IRAG1: variants seen among roughly 807,000 people sequenced by gnomAD.
IRAG1 encodes the protein IP3R-associated cGMP kinase substrate.
Under a neutral mutation model 106.2 loss-of-function variants are expected in IRAG1, and 62 were observed. That is an observed-to-expected ratio of 0.58 (90% confidence interval 0.48 to 0.72). The LOEUF is 0.72. IRAG1 is among the 30% of genes least tolerant of loss of function. The pLI, the probability that IRAG1 is intolerant of heterozygous loss-of-function variation, is 0.00. For missense variants in IRAG1, 1,064 were observed against 1,140.7 expected (o/e 0.93, Z 0.97); for synonymous variants, 462 against 443.9 (o/e 1.04, Z -0.51).
At chr11:10,651,225 G>C (rs1224972658) in intron 2 of IRAG1, among the ~76,000 whole-genome samples, 1 of 152,202 alleles carries the variant, frequency 6.6e-6, no homozygotes, top group Non-Finnish European at 1.5e-5. Flanking sequence ...AATACGACGA[G>C]GATGATGCTC....
At chr11:10,690,896 C>T (rs1862004577) in intron 1 of IRAG1, among the ~76,000 whole-genome samples, 1 of 152,230 alleles carries the variant, frequency 6.6e-6, no homozygotes, top group African/African-American at 2.4e-5. Context: ...CTCCATCTCC[C>T]TCCTCTGACT....
intron 10 of IRAG1, among the ~76,000 whole-genome samples, chr11:10,614,098 C>A (rs1855198023): frequency 6.6e-6 from 1 of 152,162 alleles, no homozygotes; most frequent in Non-Finnish European, 1.5e-5. Flanking sequence ...AGGATACCTA[C>A]CCTGCCTCTA....
chr11:10,626,121 G>C lies in IRAG1; in HGVS notation c.1213C>G (p.Arg405Gly). Residue 405 changes from arginine (R) to glycine (G), a missense_variant, in exon 9 of 21, where the codon CGG becomes GGG. Coordinates refer to ENST00000423302, the MANE Select transcript of IRAG1 (RefSeq NM_130385.4). ...AGCTTGGCAAGCACTTTCTGCAGCC[G>C]GGGGCCAGGTTCTTCAGGGCCACTG... ...WDSGPEEPGP[R>G]LQKVLAKLPL... is the part of the protein sequence containing the mutation. 2 of 1,541,690 alleles carry C rather than the reference G, an allele frequency of 1.3e-6. No homozygotes were observed. The highest frequency in any genetic ancestry group is 1.7e-6 in the Non-Finnish European group (2 of 1,143,368).
At chr11:10,613,793 C>A (rs11042895) in intron 10 of IRAG1, among the ~76,000 whole-genome samples, 62,166 of 151,952 alleles carry the variant, frequency 0.41, 13,995 homozygotes, top group East Asian at 0.7. Context: ...GTAGTGACTA[C>A]ATGTTCTTAT....
intron 1 of IRAG1, among the ~76,000 whole-genome samples, chr11:10,671,131 C>A (rs991223989): frequency 6.6e-6 from 1 of 152,188 alleles, no homozygotes; most frequent in African/African-American, 2.4e-5. Flanking sequence ...CTTTCAGAAC[C>A]TTTCTAATGA....
rs1850814158 is a variant in IRAG1 at position 10,576,392 on chromosome 11, T to G, written c.2679A>C (p.Ala893=). 6.2e-7 allele frequency: 1 copy of G among 1,613,884 alleles called. No homozygotes were observed. The highest frequency in any genetic ancestry group is 1.3e-5 in the African/African-American group (1 of 74,922). The change falls in exon 21 of 21, where the codon GCA becomes GCC. Residue 893 remains alanine, a synonymous_variant. Transcript: ENST00000423302. ...AGCTCCACCAGGAGTCCCTCTGGGC[T>G]GCCGAGCAAGTGGATCTTCCAAGGG... The part of the protein sequence containing the change: ...DGPLGRSTCS[A]AQRDSWWSSG...
chr11:10,600,798 CAGG>C (rs1853911333), intron 15 of IRAG1, 117 bp downstream of exon 15: 5 of 1,329,272 alleles, frequency 3.8e-6, no homozygotes. Flanking sequence ...CAGCACTAGA[CAGG>C]AGTGCTGCTC....
chr11:10,629,627 G>C lies in IRAG1; in HGVS notation c.485C>G (p.Ala162Gly). 1 of 1,613,968 alleles carries C rather than the reference G, an allele frequency of 6.2e-7. No individual in the cohort carries two copies. Among genetic ancestry groups the C allele is most frequent in the Non-Finnish European group, 8.5e-7 (1 of 1,179,870 alleles). The change falls in exon 5 of 21, where the codon GCG becomes GGG. Residue 162 changes from alanine to glycine, a missense_variant. Physicochemically the swap from Ala to Gly is moderately conservative, Grantham distance 60 (BLOSUM62 0). Transcript: ENST00000423302. ...CACCAACTTGGCTTCTTCCAGCAGC[G>C]CCAGGTTTTTCTTCTTGTCCTCCTC... Reference protein sequence around the residue: ...ISEEDKKKNLALLEEAKLVSE... With the variant: ...ISEEDKKKNLGLLEEAKLVSE...
intron 16 of IRAG1, chr11:10,593,876 C>G: frequency 1.8e-6 from 1 of 571,388 alleles, no homozygotes; most frequent in South Asian, 2.2e-5. Context: ...TGGGTAACAC[C>G]CTGGAGACTG....
chr11:10,627,793 A>G, intron 7 of IRAG1, 33 bp from the exon 8 acceptor site: 1 of 1,613,774 alleles, frequency 6.2e-7, no homozygotes, highest in Non-Finnish European at 8.5e-7. Context: ...GTCAGTCAGC[A>G]ATGGGAAGAG....
chr11:10,595,216 C>T (rs1591570928), intron 15 of IRAG1, among the ~76,000 whole-genome samples: 2 of 117,094 alleles, frequency 1.7e-5, no homozygotes, highest in African/African-American at 1.0e-4. Context: ...TGAACCACCA[C>T]ACCTGGCCTG....
At chr11:10,590,816 C>T (rs755327649) in intron 18 of IRAG1, among the ~76,000 whole-genome samples, 1 of 152,182 alleles carries the variant, frequency 6.6e-6, no homozygotes, top group Non-Finnish European at 1.5e-5. Context: ...ATTTTCCTTC[C>T]TACTTCCTAA....
chr11:10,648,840 AAG>A (rs1858200337), intron 2 of IRAG1, among the ~76,000 whole-genome samples: 1 of 152,130 alleles, frequency 6.6e-6, no homozygotes, highest in African/African-American at 2.4e-5. Flanking sequence ...TACGTGCAGA[AAG>A]AGAAACAGGA....
At chr11:10,606,047 G>A (rs915459162) in intron 12 of IRAG1, among the ~76,000 whole-genome samples, 2 of 152,198 alleles carry the variant, frequency 1.3e-5, no homozygotes, top group African/African-American at 4.8e-5. Flanking sequence ...GGATGGCTAT[G>A]CGTGTGTTAT....
At chr11:10,652,835 G>A (rs1179662929) in intron 1 of IRAG1, among the ~76,000 whole-genome samples, 1 of 152,070 alleles carries the variant, frequency 6.6e-6, no homozygotes, top group African/African-American at 2.4e-5. Flanking sequence ...CCTCAGCACA[G>A]GCTCTCTCAT....
chr11:10,654,351 G>T (rs1243670850), intron 1 of IRAG1, among the ~76,000 whole-genome samples: 1 of 152,234 alleles, frequency 6.6e-6, no homozygotes, highest in Non-Finnish European at 1.5e-5. Context: ...GTTGATTTAT[G>T]TTTAAAGAAC....
At chr11:10,617,276 T>A in intron 10 of IRAG1, 2 of 788,966 alleles carry the variant, frequency 2.5e-6, no homozygotes, top group Non-Finnish European at 3.1e-6. Flanking sequence ...AGATACACTT[T>A]GTCATTTCTT....
At chr11:10,591,882 G>C (rs1852714298) in intron 17 of IRAG1, among the ~76,000 whole-genome samples, 1 of 152,134 alleles carries the variant, frequency 6.6e-6, no homozygotes, top group South Asian at 2.1e-4. Flanking sequence ...ACATCTTGAG[G>C]CTCCATTCTG....
chr11:10,633,167 C>T lies in IRAG1; in HGVS notation c.329+801G>A, dbSNP rs189710618. Among the ~76,000 whole-genome samples the T allele has an allele frequency of 1.4e-3, 219 of 151,162 alleles. 1 individual carries two copies. Among genetic ancestry groups the T allele is most frequent in the African/African-American group, 4.6e-3 (189 of 41,152 alleles). ...TGGGCTCACTGCAAGCTCCGCCTCC[C>T]GGGTTCACGCCATTCTCCTGCCTCA... On this transcript the variant is annotated intron_variant, in intron 3 of 20. Coordinates refer to ENST00000423302, the MANE Select transcript of IRAG1 (RefSeq NM_130385.4).
Sources: allele counts gnomAD v4.1 joint callset (sites outside exome capture counted in the v4.1 genomes callset), GRCh38; gene constraint gnomAD v4.1.1; transcripts MANE v1.5; gene names NCBI Gene and HGNC (gene_info 2026-07-23, HGNC 2026-07-21).